The following CEP131 variants were observed in gnomAD, a reference collection of about 807,000 sequenced individuals.
CEP131 encodes the protein centrosomal protein 131.
Under a neutral mutation model 136.8 loss-of-function variants are expected in CEP131, and 99 were observed. That is an observed-to-expected ratio of 0.72 (90% CI 0.62 to 0.86). The LOEUF is 0.86. Ranked by LOEUF, CEP131 falls within the 40% of genes least tolerant of loss-of-function variation. CEP131 has a pLI of 0.00. For missense variants in CEP131, 1,459 were observed against 1,463.0 expected, an observed-to-expected ratio of 1.00 and a Z score of 0.04; for synonymous variants, 646 against 612.7, an observed-to-expected ratio of 1.05 and a Z score of -0.80.
rs2061850940 is a variant in CEP131 at position 81,199,840 on chromosome 17, CAA to C, written c.907-7_907-6del. 6.2e-7 allele frequency: 1 copy of C among 1,610,314 alleles called. No homozygotes were observed. The highest frequency in any genetic ancestry group is 8.5e-7 in the Non-Finnish European group (1 of 1,179,846). On this transcript the variant is annotated splice_polypyrimidine_tract_variant and splice_region_variant and intron_variant, in intron 8 of 25. Coordinates refer to ENST00000450824, the MANE Select transcript of CEP131 (RefSeq NM_014984.4). ...GCCTGACCGCTGCCGCTGCTCCTGC[CAA>C]AGAAGCCGGTGCCATGTGGCGTTTA...
chr17:81,199,920 G>C, intron 8 of CEP131, 85 bp from the exon 9 acceptor site: 2 of 1,379,042 alleles, frequency 1.5e-6, no homozygotes, highest in Admixed American at 3.4e-5. Context: ...ACAACGCCCT[G>C]GAGTCCCCTA....
At chr17:81,192,685 G>GGGGGGGGGGGGGCGGCCC in intron 19 of CEP131, 51 bp downstream of exon 19, 1 of 478,438 alleles carries the variant, frequency 2.1e-6, no homozygotes, top group Non-Finnish European at 4.1e-6. Flanking sequence ...GGGGGGAGGG[G>GGGGGGGGGGGGGCGGCCC]TCAGCCAGCG....
chr17:81,190,665 C>A lies in CEP131; in HGVS notation c.3081G>T (p.Gln1027His). The part of the protein sequence containing the change: ...AELATLQARQ[Q>H]LELEEVHRRV... The stretch of plus-strand genomic sequence containing the variant: ...TCCGGTGCACCTCCTCCAGCTCCAG[C>A]TGCTGGCGGGCCTGCAGCGTGGCCA... The change falls in exon 24 of 26, where the codon CAG (glutamine) becomes CAT (histidine). Residue 1027 changes from glutamine to histidine, a missense_variant. Physicochemically the swap from Gln to His is conservative, Grantham distance 24. This residue lies in a region of CEP131 where 1,026 missense variants were observed against 964.2 expected (regional missense o/e 1.06). Coordinates refer to ENST00000450824, the MANE Select transcript of CEP131 (RefSeq NM_014984.4). 1 of 1,598,064 alleles carries A rather than the reference C, an allele frequency of 6.3e-7. No homozygotes were observed. Among genetic ancestry groups the A allele is most frequent in the Non-Finnish European group, 8.5e-7 (1 of 1,175,038 alleles).
At chr17:81,193,041 A>G (rs995399419) in intron 18 of CEP131, among the ~76,000 whole-genome samples, 198 bp from the exon 19 acceptor site, 3 of 152,248 alleles carry the variant, frequency 2.0e-5, no homozygotes, top group African/African-American at 7.2e-5. Flanking sequence ...GAACTTGCCC[A>G]TCAGCCAAGC....
intron 2 of CEP131, 101 bp from the exon 3 acceptor site, chr17:81,209,123 G>A (rs1340607816): frequency 1.1e-6 from 1 of 874,672 alleles, no homozygotes; most frequent in Non-Finnish European, 1.8e-6. Flanking sequence ...AGAACAGAGG[G>A]GTGGCCCTAG....
In CEP131 at chr17:81,194,056, C is replaced by A; in HGVS notation, c.2191G>T (p.Glu731Ter). Residue 731 changes from glutamate to a stop codon, truncating the protein, a stop_gained, in exon 18 of 26, where the codon GAG (glutamate) becomes TAG (stop). Coordinates refer to ENST00000450824, the MANE Select transcript of CEP131 (RefSeq NM_014984.4). LOFTEE classifies it high-confidence loss of function. ...TCATCCGACTGCAGCAGCTCCGCCT[C>A]GTGCAGGCTCTTGAGCCTCCGCACT... ...QEVRRLKSLH[E>*]AELLQSDERA... The A allele has an allele frequency of 6.3e-7, 1 of 1,584,744 alleles. No homozygotes were observed. Among genetic ancestry groups the A allele is most frequent in the Non-Finnish European group, 8.6e-7 (1 of 1,165,948 alleles).
intron 15 of CEP131, 57 bp downstream of exon 15, chr17:81,196,644 G>C: frequency 6.4e-7 from 1 of 1,557,744 alleles, no homozygotes; most frequent in Non-Finnish European, 8.6e-7. Context: ...CCTGGCTCTG[G>C]AAGTCTCCAT....
At chr17:81,192,874 G>T in intron 18 of CEP131, 31 bp from the exon 19 acceptor site, 1 of 1,581,060 alleles carries the variant, frequency 6.3e-7, no homozygotes, top group Non-Finnish European at 8.5e-7. Context: ...GCTCTCGGGG[G>T]CCGGGACGGG....
chr17:81,217,804 G>A (rs930284582), intron 2 of CEP131, among the ~76,000 whole-genome samples: 2 of 152,188 alleles, frequency 1.3e-5, no homozygotes, highest in African/African-American at 2.4e-5. Flanking sequence ...ATCGATATGA[G>A]TAGCGCTCGC....
chr17:81,198,410 G>T, intron 11 of CEP131, 113 bp from the exon 12 acceptor site: 3 of 1,122,356 alleles, frequency 2.7e-6, no homozygotes, highest in Non-Finnish European at 3.7e-6. Flanking sequence ...CCCCAGTCCC[G>T]ACATTCAGCC....
chr17:81,217,062 G>A (rs2062262720), intron 2 of CEP131, among the ~76,000 whole-genome samples: 1 of 152,240 alleles, frequency 6.6e-6, no homozygotes, highest in Non-Finnish European at 1.5e-5. Flanking sequence ...CCATGGCCAT[G>A]ACACATATGC....
Position 81,219,962 on chromosome 17 carries a change from C to CACA in CEP131, c.94_95insTGT (p.Arg32delinsLeuCys). ...CTTGGTGGTGGCGGCACTGCCAGGA[C>CACA]GCCGGGACACAGGCGGAGGGAGACC... On this transcript the variant is annotated protein_altering_variant, in exon 2 of 26. Coordinates refer to ENST00000450824, the MANE Select transcript of CEP131 (RefSeq NM_014984.4). This position sits in a 1 kb window ranked among gnomAD's most constrained non-coding sequence, Gnocchi z 4.0. 1 of 1,611,828 alleles carries CACA rather than the reference C, an allele frequency of 6.2e-7. No homozygotes were observed. The highest frequency in any genetic ancestry group is 8.5e-7 in the Non-Finnish European group (1 of 1,179,136).
Position 81,206,887 on chromosome 17 carries a change from G to C in CEP131, c.388-16C>G, listed in dbSNP as rs756398165. The C allele has an allele frequency of 1.2e-6, 2 of 1,611,156 alleles. No homozygotes were observed. The highest frequency in any genetic ancestry group is 1.7e-6 in the Non-Finnish European group (2 of 1,179,180). On this transcript the variant is annotated splice_polypyrimidine_tract_variant and intron_variant, in intron 4 of 25. Transcript: ENST00000450824. The stretch of plus-strand genomic sequence containing the variant: ...GCTGGTCATCCTGTCAGACAGCTCA[G>C]CCCATGACACCGCCCGCACACACCC...
At chr17:81,205,928 G>A (rs1190771306) in intron 5 of CEP131, among the ~76,000 whole-genome samples, 1 of 152,146 alleles carries the variant, frequency 6.6e-6, no homozygotes, top group African/African-American at 2.4e-5. Flanking sequence ...GAATTGAGCT[G>A]GGTGCAGTGG....
chr17:81,210,430 C>T (rs2062106731), intron 2 of CEP131, among the ~76,000 whole-genome samples: 1 of 152,124 alleles, frequency 6.6e-6, no homozygotes, highest in Non-Finnish European at 1.5e-5. Context: ...ATTAGCTGGG[C>T]ATAGTGGCGG....
In CEP131 at chr17:81,193,924, A is replaced by G. The variant is rs2061696983; in HGVS notation, c.2321+2T>C. 8 of 1,533,254 alleles carry G rather than the reference A, an allele frequency of 5.2e-6. No homozygotes were observed. The highest frequency in any genetic ancestry group is 7.0e-6 in the Non-Finnish European group (8 of 1,142,110). 95.0% of individuals were successfully genotyped at this position (1,533,254 alleles called of 1,614,324 possible). A position where few individuals can be genotyped will look rare whatever the true frequency, so the allele number is the denominator to read the frequency against. ...CCCCACCGGCCTGGGGCCACCACCC[A>G]CCGCTGCCGAGCACGTTCGCGCTCC... is the stretch of plus-strand genomic sequence containing the variant. On this transcript the variant is annotated splice_donor_variant, in intron 18 of 25. Transcript: ENST00000450824. LOFTEE classifies it high-confidence loss of function.
intron 21 of CEP131, 96 bp downstream of exon 21, chr17:81,192,222 C>T (rs570087010): frequency 3.2e-5 from 39 of 1,201,796 alleles, no homozygotes; most frequent in Non-Finnish European, 4.3e-5. Context: ...CCCCAGGATG[C>T]CACAGCAGCA....
At chr17:81,218,135 C>A (rs2062296484) in intron 2 of CEP131, among the ~76,000 whole-genome samples, 1 of 152,066 alleles carries the variant, frequency 6.6e-6, no homozygotes, top group Admixed American at 6.6e-5. Context: ...CTCCTCCGCC[C>A]GGGTTCAAGC....
intron 2 of CEP131, among the ~76,000 whole-genome samples, chr17:81,217,107 T>A (rs1180689821): frequency 1.3e-5 from 2 of 152,074 alleles, no homozygotes; most frequent in Non-Finnish European, 2.9e-5. Context: ...GCTTGTGCTC[T>A]TGGGATTTAA....
Sources: gnomAD v4.1 joint callset for allele counts (sites outside exome capture counted in the v4.1 genomes callset) on GRCh38, gnomAD v4.1.1 for gene constraint, gnomAD v4.1.1 regional missense constraint, Gnocchi (gnomAD v3.1) non-coding constraint, MANE v1.5 for transcripts, NCBI Gene and HGNC (gene_info 2026-07-23, HGNC 2026-07-21) for gene names.